Variants in CDH23 observed in about 807,000 individuals in gnomAD.
The protein encoded by CDH23 is cadherin-23.
In CDH23, 189 loss-of-function variants were observed where a neutral mutation model predicts 317.1. The observed-to-expected ratio is 0.60, with a 90% CI of 0.53 to 0.67. CDH23 has a LOEUF of 0.67. CDH23 is among the 30% of genes least tolerant of loss of function. The pLI is 0.00. For missense variants in CDH23, 4,401 were observed against 4,592.4 expected (o/e 0.96, Z 1.20); for synonymous variants, 1,839 against 1,876.8 (o/e 0.98, Z 0.52).
In CDH23 at chr10:71,709,164, T is replaced by A; in HGVS notation, c.3173T>A (p.Leu1058Gln). The change falls in exon 27 of 70, where the codon CTG becomes CAG. Residue 1058 changes from leucine to glutamine, a missense_variant. This residue lies in a region of CDH23 where 3,068 missense variants were observed against 3,203.3 expected (regional missense o/e 0.96). Coordinates refer to ENST00000224721, the MANE Select transcript of CDH23 (RefSeq NM_022124.6). The part of the protein sequence containing the change: ...RDAVVRTVVG[L>Q]DRETTAAYML... ...GCCGTTGTGAGAACCGTGGTGGGCC[T>A]GGACCGGGAGACCACAGCCGCCTAC... 6.2e-7 allele frequency: 1 copy of A among 1,613,982 alleles called. No homozygotes were observed. The highest frequency in any genetic ancestry group is 8.5e-7 in the Non-Finnish European group (1 of 1,179,898).
chr10:71,738,017 G>T (rs1255762091), intron 34 of CDH23, among the ~76,000 whole-genome samples: 1 of 152,114 alleles, frequency 6.6e-6, no homozygotes, highest in Non-Finnish European at 1.5e-5. Context: ...GACACCTTCG[G>T]GCAATATCTG....
intron 3 of CDH23, among the ~76,000 whole-genome samples, chr10:71,504,810 G>A (rs1853543764): frequency 1.3e-5 from 2 of 152,208 alleles, no homozygotes; most frequent in African/African-American, 2.4e-5. Flanking sequence ...GTTGTTTACG[G>A]CCAGCGTTTT....
At chr10:71,688,620 G>GTGGAGCCAGGGATGA (rs1865014032) in intron 19 of CDH23, among the ~76,000 whole-genome samples, 1 of 145,710 alleles carries the variant, frequency 6.9e-6, no homozygotes. Flanking sequence ...GCCAGGGGTG[G>GTGGAGCCAGGGATGA]TGGAGCCAGG....
intron 34 of CDH23, among the ~76,000 whole-genome samples, chr10:71,735,747 A>C (rs961359747): frequency 6.6e-6 from 1 of 152,136 alleles, no homozygotes; most frequent in South Asian, 2.1e-4. Flanking sequence ...TTCTAGCGGC[A>C]CTGGTTGTGG....
chr10:71,519,023 C>G (rs10999859), intron 6 of CDH23, among the ~76,000 whole-genome samples: 110,026 of 151,778 alleles, frequency 0.72, 40,849 homozygotes, highest in African/African-American at 0.88. Context: ...AGGGAGCCCC[C>G]CTGTAATTAT....
In CDH23 at chr10:71,805,985, GGC is replaced by G. The variant is rs2132984089; in HGVS notation, c.8054_8055del (p.Ala2685GlyfsTer32). 2.5e-6 allele frequency: 4 copies of G among 1,611,636 alleles called. No homozygotes were observed. The highest frequency in any genetic ancestry group is 3.4e-6 in the Non-Finnish European group (4 of 1,179,290). Reference sequence around the variant, plus strand: ...CTCAGCGCCTGGACCGCGAGTCGCAGGCGGTGTACAGCGTAAGGGCGGGGCCC... The same window carrying G: ...CTCAGCGCCTGGACCGCGAGTCGCAGGGTGTACAGCGTAAGGGCGGGGCCC... ...TAQRLDRESQ[A>X]VYSLILVASD... On this transcript the variant is annotated frameshift_variant, in exon 56 of 70. Transcript: ENST00000224721. LOFTEE classifies it high-confidence loss of function.
At chr10:71,642,638 G>A (rs770591348) in intron 11 of CDH23, among the ~76,000 whole-genome samples, 10 of 151,814 alleles carry the variant, frequency 6.6e-5, no homozygotes, top group Non-Finnish European at 1.2e-4. Flanking sequence ...GACCTCAAGT[G>A]ATCCACCCAC....
At chr10:71,648,090 C>A (rs1862981043) in intron 14 of CDH23, among the ~76,000 whole-genome samples, 1 of 152,218 alleles carries the variant, frequency 6.6e-6, no homozygotes, top group South Asian at 2.1e-4. Context: ...ATTAATATTT[C>A]AAACAGATGT....
rs903585911 is a variant in CDH23 at position 71,811,200 on chromosome 10, A to G, written c.9078-115A>G. The G allele has an allele frequency of 4.6e-6, 7 of 1,509,756 alleles. 1 individual carries two copies. The highest frequency in any genetic ancestry group is 4.1e-5 in the African/African-American group (3 of 72,640). The allele number at this position is 1,509,756 out of a possible 1,614,324, so 93.5% of individuals were successfully genotyped here. A position where few individuals can be genotyped will look rare whatever the true frequency, so the allele number is the denominator to read the frequency against. On this transcript the variant is annotated intron_variant, in intron 62 of 69. Transcript: ENST00000224721. ...AAGCTGTCCCAGCCGGTGGACCTCA[A>G]TCTTGCAAGGCTTGGGGTTGTTGAA...
chr10:71,716,546 G>A, intron 28 of CDH23: 1 of 470,022 alleles, frequency 2.1e-6, no homozygotes, highest in South Asian at 4.3e-5. Context: ...TGATGGAGCT[G>A]GGCCCAAGCT....
At chr10:71,493,267 C>T (rs1007926515) in intron 3 of CDH23, among the ~76,000 whole-genome samples, 1 of 152,170 alleles carries the variant, frequency 6.6e-6, no homozygotes, top group Non-Finnish European at 1.5e-5. Flanking sequence ...ACCTGCCACC[C>T]TTAGAAGCAG....
At chr10:71,452,454 C>T (rs1469663948) in intron 3 of CDH23, among the ~76,000 whole-genome samples, 3 of 152,216 alleles carry the variant, frequency 2.0e-5, no homozygotes, top group African/African-American at 7.2e-5. Context: ...ACACCTCGCA[C>T]ACTGTTGCAC....
At chr10:71,676,278 G>A (rs1022130564) in intron 15 of CDH23, among the ~76,000 whole-genome samples, 18 of 152,002 alleles carry the variant, frequency 1.2e-4, no homozygotes, top group Admixed American at 2.6e-4. Flanking sequence ...TGAGTGAGGC[G>A]GTGGGTGTCA....
In CDH23 at chr10:71,636,357, A is replaced by C. The variant is rs76268126; in HGVS notation, c.1135-7504A>C. On this transcript the variant is annotated intron_variant, in intron 11 of 69. Coordinates refer to ENST00000224721, the MANE Select transcript of CDH23 (RefSeq NM_022124.6). ...CAACTTAGGGAGACCCCATCTCTGC[A>C]AAAAATAAAAAGCATTCGCTGGGCA... 4.6e-3 allele frequency among the ~76,000 whole-genome samples: 700 copies of C among 152,174 alleles called. 33 individuals are homozygous for C. In the East Asian group the frequency reaches 0.11, roughly 23 times the overall value.
intron 11 of CDH23, among the ~76,000 whole-genome samples, chr10:71,641,201 G>A (rs527639463): frequency 6.6e-6 from 1 of 152,348 alleles, no homozygotes; most frequent in African/African-American, 2.4e-5. Flanking sequence ...TGGCTATGCA[G>A]TGTGGTTCCC....
chr10:71,803,910 G>A lies in CDH23; in HGVS notation c.7872+490G>A, dbSNP rs570571066. On this transcript the variant is annotated intron_variant, in intron 55 of 69. Transcript: ENST00000224721. ...TGACGCAGGATAATCGCTTGAACCC[G>A]GGAGACGGAGGTTGCAGTGAGCCAA... 2.7e-3 allele frequency among the ~76,000 whole-genome samples: 396 copies of A among 147,766 alleles called. 1 individual carries two copies. The highest frequency in any genetic ancestry group is 9.4e-3 in the African/African-American group (374 of 39,938).
At chr10:71,665,789 C>T (rs1052805153) in intron 14 of CDH23, among the ~76,000 whole-genome samples, 1 of 152,220 alleles carries the variant, frequency 6.6e-6, no homozygotes, top group Non-Finnish European at 1.5e-5. Flanking sequence ...GTGGGATTTC[C>T]ATGACTTTGC....
intron 11 of CDH23, among the ~76,000 whole-genome samples, chr10:71,639,715 G>A (rs1862446651): frequency 6.6e-6 from 1 of 152,190 alleles, no homozygotes; most frequent in South Asian, 2.1e-4. Flanking sequence ...GTGGATTCTG[G>A]TTAAGGTGTG....
At chr10:71,762,329 A>T (rs1390858810) in intron 38 of CDH23, among the ~76,000 whole-genome samples, 1 of 152,234 alleles carries the variant, frequency 6.6e-6, no homozygotes, top group Admixed American at 6.5e-5. Flanking sequence ...AGTATATGCA[A>T]AACCTGTTGG....
Sources: gnomAD v4.1 joint callset for allele counts (sites outside exome capture counted in the v4.1 genomes callset) on GRCh38, gnomAD v4.1.1 for gene constraint, gnomAD v4.1.1 regional missense constraint, MANE v1.5 for transcripts, NCBI Gene and HGNC (gene_info 2026-07-23, HGNC 2026-07-21) for gene names.